RFPL2: variants seen among roughly 807,000 people sequenced by gnomAD.
RFPL2 encodes the protein ret finger protein like 2, also known as ret finger protein-like 2.
In RFPL2, 13 loss-of-function variants were observed where a neutral mutation model predicts 17.8. The observed-to-expected ratio is 0.73, with a 90% CI of 0.47 to 1.16. The LOEUF (loss-of-function observed/expected upper bound fraction) is 1.16. RFPL2 is among the 50% of genes most tolerant of loss of function. The probability of loss-of-function intolerance (pLI) is 0.00; values close to 1 mark genes in which losing one functional copy is unlikely to be tolerated. For synonymous variants in RFPL2, 189 were observed against 180.9 expected (o/e 1.04, Z -0.36); for missense variants, 431 against 479.3 (o/e 0.90, Z 0.94).
intron 2 of RFPL2, among the ~76,000 whole-genome samples, chr22:32,199,730 C>T (rs1923720013): frequency 6.6e-6 from 1 of 152,202 alleles, no homozygotes; most frequent in Non-Finnish European, 1.5e-5. Context: ...GGGACAGGCT[C>T]AGAGGTTCCC....
intron 4 of RFPL2, among the ~76,000 whole-genome samples, chr22:32,192,151 G>C (rs1399650943): frequency 6.6e-6 from 1 of 152,182 alleles, no homozygotes; most frequent in Non-Finnish European, 1.5e-5. Flanking sequence ...TCAGTTTTGG[G>C]TAGGTGGAAG....
Position 32,192,902 on chromosome 22 carries a change from C to A in RFPL2, c.556G>T (p.Val186Leu). 6.2e-7 allele frequency: 1 copy of A among 1,608,324 alleles called. No homozygotes were observed. Residue 186 changes from valine to leucine, a missense_variant and splice_region_variant, in exon 4 of 5, where the codon GTG becomes TTG. Val to Leu is a conservative substitution (Grantham distance 32, BLOSUM62 1). Coordinates refer to ENST00000652607, the MANE Select transcript of RFPL2 (RefSeq NM_001394555.1). ...QMNPRMRKFQ[V>L]DMTLDANTAN... ...GGGGCAGGGTATACAGATGCCTTAC[C>A]TTGGAACTTCCGCATCCTTGGGTTC...
In RFPL2 at chr22:32,193,056, C is replaced by T; in HGVS notation, c.402G>A (p.Gly134=). ...AAGAGCAACAGCAAAGTAGATCCTC[C>T]CCATGGGGCTCCTTCTGCAGTGAAT... ...CINSLQKEPH[G]EDLLCCCSSM... Residue 134 remains glycine, a synonymous_variant, in exon 4 of 5, where the codon GGG becomes GGA. Coordinates refer to ENST00000652607, the MANE Select transcript of RFPL2 (RefSeq NM_001394555.1). 1 of 1,613,966 alleles carries T rather than the reference C, an allele frequency of 6.2e-7. No homozygotes were observed. The highest frequency in any genetic ancestry group is 8.5e-7 in the Non-Finnish European group (1 of 1,179,898).
At chr22:32,195,383 A>ATATTTT (rs1923207055) in intron 2 of RFPL2, among the ~76,000 whole-genome samples, 1 of 152,190 alleles carries the variant, frequency 6.6e-6, no homozygotes, top group African/African-American at 2.4e-5. Flanking sequence ...TATGGCACAC[A>ATATTTT]GTAATATTTT....
chr22:32,201,634 T>G (rs997976524), intron 2 of RFPL2, among the ~76,000 whole-genome samples: 1 of 152,134 alleles, frequency 6.6e-6, no homozygotes, highest in African/African-American at 2.4e-5. Flanking sequence ...TATTGGATCC[T>G]GGGTCTCGGG....
At chr22:32,193,493 G>A (rs1922947139) in intron 3 of RFPL2, 1 of 1,415,652 alleles carries the variant, frequency 7.1e-7, no homozygotes, top group Non-Finnish European at 9.2e-7. Context: ...ACCCATGTGA[G>A]GAACAGCGAG....
chr22:32,199,035 G>A (rs746301454), intron 2 of RFPL2, among the ~76,000 whole-genome samples: 3 of 152,184 alleles, frequency 2.0e-5, no homozygotes, highest in Non-Finnish European at 4.4e-5. Context: ...CCTTAAAGCC[G>A]AGACTGGGGA....
chr22:32,203,475 A>T (rs1924179823), intron 1 of RFPL2: 1 of 150,984 alleles, frequency 6.6e-6, no homozygotes, highest in Admixed American at 6.6e-5. Flanking sequence ...CAGTGTAGCG[A>T]TAGGGCACCC....
At chr22:32,194,174 T>C (rs1349434538) in intron 3 of RFPL2, among the ~76,000 whole-genome samples, 171 bp downstream of exon 3, 1 of 152,198 alleles carries the variant, frequency 6.6e-6, no homozygotes, top group Non-Finnish European at 1.5e-5. Flanking sequence ...GCCACCACTC[T>C]TACACTCCTA....
At chr22:32,204,582 C>T (rs1924341358) in intron 1 of RFPL2, among the ~76,000 whole-genome samples, 125 bp downstream of exon 1, 1 of 152,034 alleles carries the variant, frequency 6.6e-6, no homozygotes, top group Non-Finnish European at 1.5e-5. Context: ...GCTCATCCAC[C>T]CCGCCACCTT....
At chr22:32,200,627 A>G (rs1923819793) in intron 2 of RFPL2, among the ~76,000 whole-genome samples, 1 of 151,922 alleles carries the variant, frequency 6.6e-6, no homozygotes, top group Non-Finnish European at 1.5e-5. Context: ...TCCTTCCTGG[A>G]TGAAGCTGTC....
chr22:32,192,447 G>T (rs1922769400), intron 4 of RFPL2, among the ~76,000 whole-genome samples: 1 of 152,198 alleles, frequency 6.6e-6, no homozygotes, highest in African/African-American at 2.4e-5. Flanking sequence ...CCTGGGGTAA[G>T]GTTGTTTGTA....
intron 2 of RFPL2, among the ~76,000 whole-genome samples, chr22:32,196,635 A>G (rs1249424592): frequency 1.3e-5 from 2 of 152,270 alleles, no homozygotes; most frequent in African/African-American, 4.8e-5. Flanking sequence ...ACTTTCTGCC[A>G]AAACCAGGCT....
Position 32,190,704 on chromosome 22 carries a change from G to C in RFPL2, c.*68C>G, listed in dbSNP as rs1922478725. The C allele has an allele frequency of 2.0e-5, 28 of 1,431,998 alleles. No individual in the cohort carries two copies. The highest frequency in any genetic ancestry group is 2.5e-5 in the Non-Finnish European group (27 of 1,067,712). The allele number at this position is 1,431,998 out of a possible 1,614,324, so 88.7% of individuals were successfully genotyped here. A position where few individuals can be genotyped will look rare whatever the true frequency, so the allele number is the denominator to read the frequency against. On this transcript the variant is annotated 3_prime_UTR_variant, in exon 5 of 5. Coordinates refer to ENST00000652607, the MANE Select transcript of RFPL2 (RefSeq NM_001394555.1). ...CTTTGTATAATGCTTTTACGAAGTA[G>C]AGCGTTCCTAAGTCTACCCACCCAA...
intron 2 of RFPL2, among the ~76,000 whole-genome samples, chr22:32,201,686 C>T (rs989937519): frequency 2.6e-5 from 4 of 152,174 alleles, no homozygotes; most frequent in African/African-American, 4.8e-5. Context: ...CTGTGAGGCT[C>T]CCAGGTTCTG....
intron 3 of RFPL2, among the ~76,000 whole-genome samples, chr22:32,193,862 C>CAA (rs136481): frequency 3.3e-3 from 231 of 70,970 alleles, no homozygotes; most frequent in East Asian, 0.011. Context: ...GACACCATCT[C>CAA]AAAAAAAAAA....
rs1923099639 is a variant in RFPL2, at chr22:32,194,440, T to G, written c.170A>C (p.Asn57Thr). 1 of 1,611,694 alleles carries G rather than the reference T, an allele frequency of 6.2e-7. No homozygotes were observed. The highest frequency in any genetic ancestry group is 2.2e-5 in the East Asian group (1 of 44,848). ...VEGRDPVGGG[N>T]LTNKRPSCAP... ...ACACGAGGGCCTTTTATTGGTGAGA[T>G]TCCCACCTCCCACTGGGTCACGCCC... The change falls in exon 3 of 5, where the codon AAT (asparagine) becomes ACT (threonine). Residue 57 changes from asparagine to threonine, a missense_variant. Asn to Thr is a moderately conservative substitution (Grantham distance 65). Coordinates refer to ENST00000652607, the MANE Select transcript of RFPL2 (RefSeq NM_001394555.1).
intron 2 of RFPL2, among the ~76,000 whole-genome samples, chr22:32,199,620 G>A (rs560967786): frequency 1.6e-4 from 24 of 152,332 alleles, no homozygotes; most frequent in African/African-American, 4.1e-4. Context: ...GCCGGACTGC[G>A]TCAGGATGAT....
Position 32,191,255 on chromosome 22 carries a change from T to A in RFPL2, c.654A>T (p.Gln218His). ...VRSGRIRQNRQDLAERFDVSV... is the reference protein window; with the variant it reads ...VRSGRIRQNRHDLAERFDVSV... ...ACACGTCAAATCTCTCGGCAAGGTC[T>A]TGCCGATTCTGTCTGATGCGCCCAC... The change falls in exon 5 of 5, where the codon CAA becomes CAT. Residue 218 changes from glutamine (Q) to histidine (H), a missense_variant. By Grantham distance (24) the Gln-to-His change is conservative. Coordinates refer to ENST00000652607, the MANE Select transcript of RFPL2 (RefSeq NM_001394555.1). 6.2e-7 allele frequency: 1 copy of A among 1,613,982 alleles called. No homozygotes were observed. Among genetic ancestry groups the A allele is most frequent in the Non-Finnish European group, 8.5e-7 (1 of 1,179,874 alleles).
Sources: allele counts gnomAD v4.1 joint callset (sites outside exome capture counted in the v4.1 genomes callset), GRCh38; gene constraint gnomAD v4.1.1; transcripts MANE v1.5; gene names NCBI Gene and HGNC (gene_info 2026-07-23, HGNC 2026-07-21).